AKR1C4: variants seen among roughly 807,000 people sequenced by gnomAD.
AKR1C4 encodes 3-alpha-HSD1.
A neutral mutation model predicts 41.0 loss-of-function variants in AKR1C4; 44 were observed. The observed-to-expected ratio is 1.07, with a 90% CI of 0.84 to 1.38. AKR1C4 has a LOEUF of 1.38. Among genes scored for constraint, AKR1C4 ranks in the 40% most tolerant of loss-of-function variants. AKR1C4 has a pLI of 0.00. For missense variants in AKR1C4, 438 were observed against 387.9 expected (o/e 1.13, Z -1.09); for synonymous variants, 165 against 137.7 (o/e 1.20, Z -1.39).
At chr10:5,215,993 C>T (rs570555474) in intron 7 of AKR1C4, among the ~76,000 whole-genome samples, 3 of 152,114 alleles carry the variant, frequency 2.0e-5, no homozygotes, top group African/African-American at 7.2e-5. Flanking sequence ...CTATAAAGTA[C>T]CCGAGGCCAG....
intron 2 of AKR1C4, among the ~76,000 whole-genome samples, chr10:5,202,307 A>G (rs192779675): frequency 2.0e-5 from 3 of 152,252 alleles, no homozygotes; most frequent in Non-Finnish European, 2.9e-5. Flanking sequence ...GACTCTCAAC[A>G]TGGTTGTTGT....
intron 8 of AKR1C4, 61 bp from the exon 9 acceptor site, chr10:5,218,657 C>A: frequency 1.5e-6 from 2 of 1,376,972 alleles, no homozygotes; most frequent in Non-Finnish European, 1.0e-6. Flanking sequence ...ATTCACTTTG[C>A]TACCAGCTTT....
At chr10:5,203,365 A>G (rs1487830777) in intron 2 of AKR1C4, among the ~76,000 whole-genome samples, 2 of 152,182 alleles carry the variant, frequency 1.3e-5, no homozygotes. Context: ...GTGAGATAAA[A>G]TAAGAAATGG....
intron 2 of AKR1C4, among the ~76,000 whole-genome samples, chr10:5,203,896 T>C (rs1554797181): frequency 2.0e-5 from 3 of 152,176 alleles, no homozygotes; most frequent in African/African-American, 7.2e-5. Flanking sequence ...ATCTCAATTG[T>C]CCTTTTCAGT....
intron 3 of AKR1C4, chr10:5,204,742 C>G: frequency 1.7e-6 from 1 of 586,788 alleles, no homozygotes; most frequent in Non-Finnish European, 3.2e-6. Context: ...CAGCCACCTT[C>G]AAGGCTCTGT....
At chr10:5,214,766 G>T (rs1308145465) in intron 7 of AKR1C4, among the ~76,000 whole-genome samples, 2 of 150,170 alleles carry the variant, frequency 1.3e-5, no homozygotes, top group Non-Finnish European at 3.0e-5. Flanking sequence ...TTGTTAAATT[G>T]ATGACATTTT....
intron 7 of AKR1C4, 49 bp from the exon 8 acceptor site, chr10:5,216,662 G>A (rs1321894602): frequency 2.1e-6 from 3 of 1,443,190 alleles, no homozygotes; most frequent in Admixed American, 1.8e-5. Flanking sequence ...GCTATTCCAA[G>A]TTGACAATTA....
intron 8 of AKR1C4, 23 bp downstream of exon 8, chr10:5,216,816 T>C: frequency 6.4e-7 from 1 of 1,550,484 alleles, no homozygotes. Context: ...GGAAAATGGG[T>C]TTCCCAGTTT....
intron 8 of AKR1C4, among the ~76,000 whole-genome samples, chr10:5,217,719 C>CT (rs1832675331): frequency 6.6e-6 from 1 of 152,172 alleles, no homozygotes; most frequent in Non-Finnish European, 1.5e-5. Flanking sequence ...AAAATTATGC[C>CT]ACTGCACTCC....
At chr10:5,201,882 ATAT>A (rs1264331193) in intron 2 of AKR1C4, among the ~76,000 whole-genome samples, 2 of 152,156 alleles carry the variant, frequency 1.3e-5, no homozygotes, top group Non-Finnish European at 2.9e-5. Context: ...TCCCTAATTT[ATAT>A]TATTGTTTGC....
At chr10:5,206,488 T>C (rs1554797506) in intron 5 of AKR1C4, 91 bp downstream of exon 5, 10 of 1,581,536 alleles carry the variant, frequency 6.3e-6, no homozygotes, top group Non-Finnish European at 7.7e-6. Flanking sequence ...TCCACTTACA[T>C]TTGTGAAACA....
Position 5,213,164 on chromosome 10 carries a change from G to T in AKR1C4, c.846+5G>T. On this transcript the variant is annotated splice_donor_5th_base_variant and intron_variant, in intron 7 of 8. Coordinates refer to ENST00000263126, the MANE Select transcript of AKR1C4 (RefSeq NM_001818.5). ...CGGATCAGAGAGAACATCCAGGTGAGGAGTTGGGTGGGCATCAGGGCTCCT... is the reference window on the plus strand; with the variant it reads ...CGGATCAGAGAGAACATCCAGGTGATGAGTTGGGTGGGCATCAGGGCTCCT... The T allele has an allele frequency of 6.2e-7, 1 of 1,612,842 alleles. No homozygotes were observed. The highest frequency in any genetic ancestry group is 8.5e-7 in the Non-Finnish European group (1 of 1,179,880).
chr10:5,201,635 G>T (rs4612705), intron 2 of AKR1C4, among the ~76,000 whole-genome samples: 27,729 of 152,038 alleles, frequency 0.18, 2,794 homozygotes, highest in Non-Finnish European at 0.23. Context: ...TGCTTTTTGT[G>T]CATTTGCATT....
chr10:5,215,172 G>C (rs80075460), intron 7 of AKR1C4, among the ~76,000 whole-genome samples: 2,870 of 152,230 alleles, frequency 0.019, 90 homozygotes, highest in African/African-American at 0.065. Context: ...ATAAGATTCG[G>C]AAGAATCTGG....
intron 1 of AKR1C4, among the ~76,000 whole-genome samples, chr10:5,199,106 G>T (rs1462990195): frequency 6.6e-6 from 1 of 152,150 alleles, no homozygotes; most frequent in Non-Finnish European, 1.5e-5. Context: ...GAAACTCCAT[G>T]CTAGTGATTA....
At chr10:5,202,937 TTTTGTG>T (rs1223673435) in intron 2 of AKR1C4, among the ~76,000 whole-genome samples, 2 of 69,236 alleles carry the variant, frequency 2.9e-5, no homozygotes, top group Non-Finnish European at 5.9e-5. Context: ...TATAGTTTTC[TTTTGTG>T]TGTGTGTGTG....
chr10:5,216,790 A>G lies in AKR1C4; in HGVS notation c.926A>G (p.Asp309Gly). The change falls in exon 8 of 9, where the codon GAT becomes GGT. Residue 309 changes from aspartate to glycine, a missense_variant. Physicochemically the swap from Asp to Gly is moderately conservative, Grantham distance 94. Transcript: ENST00000263126. ...AGAAATTATCGATATGTTGTCATGG[A>G]TTTGTAAGTAACTTTGGAAAATGGG... ...LNRNYRYVVM[D>G]FLMDHPDYPF... The G allele has an allele frequency of 6.2e-7, 1 of 1,603,962 alleles. No homozygotes were observed. The highest frequency in any genetic ancestry group is 8.5e-7 in the Non-Finnish European group (1 of 1,172,810).
In AKR1C4 at chr10:5,213,053, AAC is replaced by A. The variant is rs1554798111; in HGVS notation, c.744_745del (p.His248GlnfsTer26). 1.2e-6 allele frequency: 2 copies of A among 1,614,172 alleles called. No homozygotes were observed. Among genetic ancestry groups the A allele is most frequent in the Non-Finnish European group, 1.7e-6 (2 of 1,180,028 alleles). On this transcript the variant is annotated frameshift_variant, in exon 7 of 9. Transcript: ENST00000263126. LOFTEE classifies it high-confidence loss of function. ...CCAGTTCTTTGTGCCTTAGCAAAGA[AAC>A]ACAAACAAACCCCAGCCCTGATTGC...
intron 4 of AKR1C4, 70 bp downstream of exon 4, chr10:5,205,904 A>G: frequency 1.4e-6 from 2 of 1,447,438 alleles, no homozygotes; most frequent in Non-Finnish European, 1.9e-6. Flanking sequence ...CAGCTTTCAT[A>G]TGCAACATTG....
Sources: gnomAD v4.1 joint callset for allele counts (sites outside exome capture counted in the v4.1 genomes callset) on GRCh38, gnomAD v4.1.1 for gene constraint, MANE v1.5 for transcripts, NCBI Gene and HGNC (gene_info 2026-07-23, HGNC 2026-07-21) for gene names.